The following RNF145 variants were observed in gnomAD, a reference collection of about 807,000 sequenced individuals.
RNF145 encodes ring finger protein 145.
Under a neutral mutation model 57.3 loss-of-function variants are expected in RNF145, and 12 were observed. The observed-to-expected ratio is 0.21, with a 90% CI of 0.13 to 0.34. RNF145 has a LOEUF of 0.34. Ranked by LOEUF, RNF145 falls within the 10% of genes least tolerant of loss-of-function variation. RNF145 has a pLI of 1.00. For missense variants in RNF145, 429 were observed against 799.0 expected (o/e 0.54, Z 5.58); for synonymous variants, 262 against 288.3 (o/e 0.91, Z 0.92).
chr5:159,197,912 T>C (rs1447462819), intron 2 of RNF145, among the ~76,000 whole-genome samples: 2 of 151,770 alleles, frequency 1.3e-5, no homozygotes, highest in Non-Finnish European at 2.9e-5. Context: ...AGGTTATGAT[T>C]GCCAGTCTGG....
intron 2 of RNF145, among the ~76,000 whole-genome samples, chr5:159,201,688 T>C (rs1013666777): frequency 4.6e-5 from 7 of 152,146 alleles, no homozygotes; most frequent in Admixed American, 2.6e-4. Flanking sequence ...ATGTATACCA[T>C]GCTAACATCT....
chr5:159,174,765 C>T (rs1489007359), intron 5 of RNF145, among the ~76,000 whole-genome samples: 1 of 150,780 alleles, frequency 6.6e-6, no homozygotes, highest in African/African-American at 2.4e-5. Context: ...GTAAGTAACA[C>T]TAGGAAAAGG....
At chr5:159,207,409 A>G (rs1445541030) in intron 1 of RNF145, 5 of 1,055,424 alleles carry the variant, frequency 4.7e-6, no homozygotes, top group Non-Finnish European at 6.8e-6. Context: ...GACCCAACTT[A>G]AAACTATTCA....
At chr5:159,174,533 C>T (rs979595720) in intron 5 of RNF145, among the ~76,000 whole-genome samples, 7 of 151,962 alleles carry the variant, frequency 4.6e-5, no homozygotes, top group Non-Finnish European at 1.0e-4. Context: ...TACAACACTG[C>T]TTGAGGCACT....
At position 159,168,311 on chromosome 5, in the gene RNF145, AC is replaced by A. The variant is rs200924660; in HGVS notation, c.1121+561del. On this transcript the variant is annotated intron_variant, in intron 8 of 10. Transcript: ENST00000424310. ...GTAATGCAAGATGTACATGAATCCA[AC>A]TATTAATTTCATTTGGTCCTATAAG... Among the ~76,000 whole-genome samples the A allele has an allele frequency of 5.5e-4, 83 of 152,264 alleles. 1 individual carries two copies. Among genetic ancestry groups the A allele is most frequent in the African/African-American group, 1.9e-3 (78 of 41,568 alleles).
intron 10 of RNF145, among the ~76,000 whole-genome samples, chr5:159,159,583 G>A (rs1454034831): frequency 6.6e-6 from 1 of 152,204 alleles, no homozygotes; most frequent in Non-Finnish European, 1.5e-5. Flanking sequence ...ATATAAGCCA[G>A]TGTTTCTCAA....
chr5:159,188,618 G>C (rs1785173389), intron 3 of RNF145, among the ~76,000 whole-genome samples: 1 of 152,112 alleles, frequency 6.6e-6, no homozygotes, highest in African/African-American at 2.4e-5. Context: ...CCAAGGAAGA[G>C]TTTAGTAATT....
intron 1 of RNF145, among the ~76,000 whole-genome samples, chr5:159,208,809 G>A (rs1398751806): frequency 6.6e-6 from 1 of 151,754 alleles, no homozygotes; most frequent in East Asian, 2.0e-4. Flanking sequence ...CTTGAAAAAG[G>A]CCTAGAAATG....
At chr5:159,162,339 T>A (rs554177443) in intron 9 of RNF145, among the ~76,000 whole-genome samples, 5 of 152,214 alleles carry the variant, frequency 3.3e-5, no homozygotes, top group African/African-American at 9.6e-5. Context: ...CACCTCTGTA[T>A]CATACCATTT....
At chr5:159,162,338 AT>A (rs1298417186) in intron 9 of RNF145, among the ~76,000 whole-genome samples, 1 of 152,150 alleles carries the variant, frequency 6.6e-6, no homozygotes, top group African/African-American at 2.4e-5. Flanking sequence ...ACACCTCTGT[AT>A]CATACCATTT....
At chr5:159,168,738 G>T in intron 8 of RNF145, 135 bp downstream of exon 8, 1 of 480,564 alleles carries the variant, frequency 2.1e-6, no homozygotes, top group Non-Finnish European at 3.5e-6. Context: ...ACATAAACTT[G>T]TTGAATTAAC....
chr5:159,209,155 G>A, intron 1 of RNF145, 76 bp downstream of exon 1: 2 of 510,788 alleles, frequency 3.9e-6, no homozygotes, highest in Non-Finnish European at 5.1e-6. Flanking sequence ...CGACGCGATG[G>A]GGGAGGGGAG....
chr5:159,205,018 T>C (rs1562079138), intron 1 of RNF145, among the ~76,000 whole-genome samples: 1 of 152,182 alleles, frequency 6.6e-6, no homozygotes, highest in Non-Finnish European at 1.5e-5. Flanking sequence ...ATTGCTATGC[T>C]ATGGTTAAAT....
chr5:159,175,810 C>G (rs1784703488), intron 5 of RNF145, among the ~76,000 whole-genome samples: 1 of 152,172 alleles, frequency 6.6e-6, no homozygotes, highest in African/African-American at 2.4e-5. Context: ...TCAGTTTGTT[C>G]TATCTGAGAG....
chr5:159,202,264 T>G (rs1785695805), intron 2 of RNF145, among the ~76,000 whole-genome samples: 1 of 152,202 alleles, frequency 6.6e-6, no homozygotes, highest in Admixed American at 6.5e-5. Context: ...CTTTGCTGAT[T>G]AATCTAAAAA....
rs985771458 is a variant in RNF145 at position 159,166,921 on chromosome 5, C to T, written c.1121+1952G>A. ...GGAGGACTGCTTGAGCCCAGGAGTT[C>T]GAGTCCAGCCTGGGCAACATAGCGA... is the stretch of plus-strand genomic sequence containing the variant. On this transcript the variant is annotated intron_variant, in intron 8 of 10. Transcript: ENST00000424310. 4.6e-5 allele frequency among the ~76,000 whole-genome samples: 7 copies of T among 151,842 alleles called. No individual in the cohort carries two copies. The East Asian group carries it at 7.7e-4, about 17-fold the overall frequency.
chr5:159,189,151 A>C (rs1162934960), intron 3 of RNF145, among the ~76,000 whole-genome samples: 18 of 152,212 alleles, frequency 1.2e-4, no homozygotes, highest in Admixed American at 1.2e-3. Flanking sequence ...AGGGACTTGT[A>C]TATATTTGCA....
intron 5 of RNF145, among the ~76,000 whole-genome samples, chr5:159,175,513 C>G (rs1304570885): frequency 2.0e-5 from 3 of 152,052 alleles, no homozygotes; most frequent in Non-Finnish European, 4.4e-5. Context: ...TTATTACAAA[C>G]AAAGATAACC....
In RNF145 at chr5:159,158,513, A is replaced by G. The variant is rs1784111699; in HGVS notation, c.*157T>C. ...TCCCACAATGTCAGGGGATGAAAGC[A>G]GGTGGTCCCCACTGAGAGTACTTCC... On this transcript the variant is annotated 3_prime_UTR_variant, in exon 11 of 11. Coordinates refer to ENST00000424310, the MANE Select transcript of RNF145 (RefSeq NM_001199383.2). The G allele has an allele frequency of 1.5e-5, 13 of 866,214 alleles. No homozygotes were observed. In the South Asian group the frequency reaches 2.1e-4, roughly 14 times the overall value. 53.7% of individuals were successfully genotyped at this position (866,214 alleles called of 1,614,324 possible).
Sources: allele counts gnomAD v4.1 joint callset (sites outside exome capture counted in the v4.1 genomes callset), GRCh38; gene constraint gnomAD v4.1.1; transcripts MANE v1.5; gene names NCBI Gene and HGNC (gene_info 2026-07-23, HGNC 2026-07-21).